Variants in CRYBG1 observed in about 807,000 individuals in gnomAD.
CRYBG1 encodes the protein crystallin beta-gamma domain containing 1.
Under a neutral mutation model 189.2 loss-of-function variants are expected in CRYBG1, and 139 were observed. That is an observed-to-expected ratio of 0.73 (90% CI 0.64 to 0.85). The LOEUF is 0.85. Among genes scored for constraint, CRYBG1 ranks in the 40% least tolerant of loss-of-function variants. CRYBG1 has a pLI of 0.00. For synonymous variants in CRYBG1, 1,023 were observed against 1,017.1 expected, an observed-to-expected ratio of 1.01 and a Z score of -0.11; for missense variants, 2,611 against 2,675.8, an observed-to-expected ratio of 0.98 and a Z score of 0.53.
At chr6:106,471,630 T>G (rs1772233966) in intron 2 of CRYBG1, among the ~76,000 whole-genome samples, 1 of 152,104 alleles carries the variant, frequency 6.6e-6, no homozygotes, top group Non-Finnish European at 1.5e-5. Flanking sequence ...CAAGTTACTC[T>G]CCCAAGCAGG....
At chr6:106,471,087 C>A (rs1171850558) in intron 2 of CRYBG1, among the ~76,000 whole-genome samples, 1 of 152,138 alleles carries the variant, frequency 6.6e-6, no homozygotes, top group Non-Finnish European at 1.5e-5. Context: ...AGACTGCTGT[C>A]TGTTTGGCAT....
chr6:106,472,934 A>G, intron 2 of CRYBG1, among the ~76,000 whole-genome samples: 1 of 150,586 alleles, frequency 6.6e-6, no homozygotes. Flanking sequence ...AAGAAAGTAT[A>G]TTCTGTTATT....
In CRYBG1 at chr6:106,558,567, A is replaced by C; in HGVS notation, c.5797A>C (p.Asn1933His). Residue 1933 changes from asparagine to histidine, a missense_variant, in exon 18 of 22, where the codon AAT becomes CAT. This residue lies in a region of CRYBG1 where 1,622 missense variants were observed against 1,735.0 expected (regional missense o/e 0.93). Coordinates refer to ENST00000633556, the MANE Select transcript of CRYBG1 (RefSeq NM_001371242.2). ...KKIELNAETV[N>H]LRSLGFNTQI... ...GATTGAACTTAATGCAGAAACTGTC[A>C]ATCTCCGATCCCTGGGATTCAACAC... 1 of 1,613,764 alleles carries C rather than the reference A, an allele frequency of 6.2e-7. No individual in the cohort carries two copies. The highest frequency in any genetic ancestry group is 8.5e-7 in the Non-Finnish European group (1 of 1,179,734).
Position 106,495,517 on chromosome 6 carries a change from C to T in CRYBG1, c.313-15913C>T, listed in dbSNP as rs558487134. 2.2e-4 allele frequency among the ~76,000 whole-genome samples: 33 copies of T among 150,700 alleles called. 1 individual carries two copies. The highest frequency in any genetic ancestry group is 7.8e-4 in the African/African-American group (32 of 40,986). ...AGTAACTTCACAATGTATTTATTGTCTAGATCTGGTAGTTTTGGGGGGGCT... is the reference window on the plus strand; with the variant it reads ...AGTAACTTCACAATGTATTTATTGTTTAGATCTGGTAGTTTTGGGGGGGCT... On this transcript the variant is annotated intron_variant, in intron 2 of 21. Coordinates refer to ENST00000633556, the MANE Select transcript of CRYBG1 (RefSeq NM_001371242.2).
At chr6:106,467,755 A>G in intron 2 of CRYBG1, among the ~76,000 whole-genome samples, 1 of 152,192 alleles carries the variant, frequency 6.6e-6, no homozygotes, top group East Asian at 1.9e-4. Context: ...TTTGCCAGCA[A>G]AATCTGACCT....
At chr6:106,478,496 T>C (rs77556327) in intron 2 of CRYBG1, among the ~76,000 whole-genome samples, 26,079 of 152,216 alleles carry the variant, frequency 0.17, 2,918 homozygotes, top group East Asian at 0.39. Context: ...AGTGTGACAT[T>C]TGGCAGCACA....
intron 4 of CRYBG1, among the ~76,000 whole-genome samples, chr6:106,522,632 G>A (rs144445041): frequency 6.6e-6 from 1 of 152,292 alleles, no homozygotes; most frequent in East Asian, 1.9e-4. Flanking sequence ...CCTGAGTAGG[G>A]TTTGTATTCT....
intron 2 of CRYBG1, among the ~76,000 whole-genome samples, chr6:106,471,350 A>C (rs1221944981): frequency 6.6e-6 from 1 of 152,216 alleles, no homozygotes; most frequent in Admixed American, 6.5e-5. Flanking sequence ...GGATGTGAAG[A>C]TCTATGAAAA....
intron 2 of CRYBG1, among the ~76,000 whole-genome samples, chr6:106,452,421 CAAAAA>C (rs33972717): frequency 2.4e-5 from 3 of 125,562 alleles, no homozygotes; most frequent in African/African-American, 3.0e-5. Flanking sequence ...GAGACTGTCT[CAAAAA>C]AAAAAAAAAA....
At position 106,361,239 on chromosome 6, in the gene CRYBG1, G is replaced by A. The variant is rs553411871; in HGVS notation, c.173+158G>A. ...TACCCGGGTCCGGAGGGGAGCGATC[G>A]TAGCCGCTGGGGTTGACGAGGTTCC... On this transcript the variant is annotated intron_variant, in intron 1 of 21. Transcript: ENST00000633556. Among the ~76,000 whole-genome samples the A allele has an allele frequency of 1.4e-4, 21 of 152,358 alleles. No homozygotes were observed. The South Asian group carries it at 4.1e-3, about 30-fold the overall frequency.
intron 13 of CRYBG1, among the ~76,000 whole-genome samples, chr6:106,546,865 G>A (rs1278566487): frequency 2.0e-5 from 3 of 152,216 alleles, no homozygotes; most frequent in Non-Finnish European, 4.4e-5. Context: ...CACCAGTTGT[G>A]TTGGTTCTAT....
rs1350862841 is a variant in CRYBG1 at position 106,423,694 on chromosome 6, C to CTTTTTTTTTTTTTT, written c.174-28000_174-27999insTTTTTTTTTTTTTT. Among the ~76,000 whole-genome samples the CTTTTTTTTTTTTTT allele has an allele frequency of 9.9e-5, 10 of 101,246 alleles. 5 individuals carry two copies. Among genetic ancestry groups the CTTTTTTTTTTTTTT allele is most frequent in the Non-Finnish European group, 1.5e-4 (8 of 53,574 alleles). 66.4% of individuals were successfully genotyped at this position (101,246 alleles called of 152,430 possible). A position where few individuals can be genotyped will look rare whatever the true frequency, so the allele number is the denominator to read the frequency against. The stretch of plus-strand genomic sequence containing the variant: ...CCCTCCAGTCCTCAGTTCTCCCTCC[C>CTTTTTTTTTTTTTT]CTTTTTTTTTTTTTTTTTTTTTTTT... On this transcript the variant is annotated intron_variant, in intron 1 of 21. Transcript: ENST00000633556.
Position 106,520,297 on chromosome 6 carries a change from TAC to T in CRYBG1, c.3090_3091del (p.Pro1031AlafsTer23), listed in dbSNP as rs748851621. 13 of 1,614,120 alleles carry T rather than the reference TAC, an allele frequency of 8.1e-6. No individual in the cohort carries two copies. The highest frequency in any genetic ancestry group is 1.1e-5 in the Non-Finnish European group (13 of 1,180,024). On this transcript the variant is annotated frameshift_variant, in exon 4 of 22. Transcript: ENST00000633556. LOFTEE classifies it high-confidence loss of function. ...GCGGCAAAATCTGGCCCACAAGTCA[TAC>T]CGCCAGCATCAGAGAAAACTCTGCC...
At chr6:106,553,847 A>C (rs1404473916) in intron 16 of CRYBG1, among the ~76,000 whole-genome samples, 1 of 152,196 alleles carries the variant, frequency 6.6e-6, no homozygotes, top group African/African-American at 2.4e-5. Flanking sequence ...GTTGGGCTCT[A>C]GTTAATCCAA....
intron 2 of CRYBG1, among the ~76,000 whole-genome samples, chr6:106,480,265 G>A (rs1772418525): frequency 6.6e-6 from 1 of 152,086 alleles, no homozygotes; most frequent in Non-Finnish European, 1.5e-5. Flanking sequence ...AAGTGATGCA[G>A]GCCATAAAAG....
chr6:106,419,677 C>T (rs1771089132), intron 1 of CRYBG1, among the ~76,000 whole-genome samples: 1 of 152,220 alleles, frequency 6.6e-6, no homozygotes, highest in African/African-American at 2.4e-5. Context: ...AGCCACCCCA[C>T]CTGGCCTCCT....
intron 1 of CRYBG1, among the ~76,000 whole-genome samples, chr6:106,398,006 G>C (rs1180160885): frequency 1.3e-5 from 2 of 152,038 alleles, no homozygotes; most frequent in African/African-American, 4.8e-5. Flanking sequence ...TTATCAATAA[G>C]TACCAAAATA....
chr6:106,417,224 T>G (rs542980952), intron 1 of CRYBG1, among the ~76,000 whole-genome samples: 1 of 152,086 alleles, frequency 6.6e-6, no homozygotes, highest in East Asian at 1.9e-4. Context: ...TAAAAAAATT[T>G]AAAAAGCAGG....
At chr6:106,519,091 A>T in intron 3 of CRYBG1, 40 bp from the exon 4 acceptor site, 1 of 1,557,710 alleles carries the variant, frequency 6.4e-7, no homozygotes, top group Non-Finnish European at 8.6e-7. Flanking sequence ...ACTTTTTAAA[A>T]CTAGGTCAAT....
Sources: gnomAD v4.1 joint callset for allele counts (sites outside exome capture counted in the v4.1 genomes callset) on GRCh38, gnomAD v4.1.1 for gene constraint, gnomAD v4.1.1 regional missense constraint, MANE v1.5 for transcripts, NCBI Gene and HGNC (gene_info 2026-07-23, HGNC 2026-07-21) for gene names.